CES5A: variants seen among roughly 807,000 people sequenced by gnomAD.
CES5A encodes carboxylesterase 5.
In CES5A, 67 loss-of-function variants were observed where a neutral mutation model predicts 62.9. The ratio of observed to expected loss-of-function variants is 1.07; its 90% CI spans 0.88 to 1.31. CES5A has a LOEUF of 1.31. Among genes scored for constraint, CES5A ranks in the 50% most tolerant of loss-of-function variants. The pLI is 0.00. For missense variants in CES5A, 748 were observed against 708.5 expected (o/e 1.06, Z -0.63); for synonymous variants, 296 against 280.8 (o/e 1.05, Z -0.54).
chr16:55,920,135 A>G (rs2142458475), intron 1 of CES5A, among the ~76,000 whole-genome samples: 1 of 152,332 alleles, frequency 6.6e-6, no homozygotes, highest in Non-Finnish European at 1.5e-5. Flanking sequence ...TGGGGGCTGC[A>G]GAGACGTGAA....
At chr16:55,954,728 C>G (rs8052620) in intron 1 of CES5A, among the ~76,000 whole-genome samples, 1 of 151,892 alleles carries the variant, frequency 6.6e-6, no homozygotes, top group Non-Finnish European at 1.5e-5. Context: ...AGGGGGAAGG[C>G]CCCTCACAAA....
chr16:55,952,037 A>C (rs953525110), intron 1 of CES5A, among the ~76,000 whole-genome samples: 3 of 152,188 alleles, frequency 2.0e-5, no homozygotes, highest in South Asian at 2.1e-4. Context: ...TTACTCACGT[A>C]GTAGGCCACA....
intron 6 of CES5A, 31 bp downstream of exon 6, chr16:55,863,317 G>C: frequency 1.8e-6 from 2 of 1,116,220 alleles, no homozygotes; most frequent in Non-Finnish European, 2.8e-6. Context: ...CTGAGGAGAG[G>C]AAGGTGGCAA....
chr16:55,953,584 T>G (rs1283595883), intron 1 of CES5A, among the ~76,000 whole-genome samples: 2 of 152,150 alleles, frequency 1.3e-5, no homozygotes, highest in Non-Finnish European at 2.9e-5. Context: ...TCAGGCAAAT[T>G]TCATAAGAAA....
chr16:55,908,618 C>T (rs2034063300), intron 1 of CES5A, among the ~76,000 whole-genome samples: 1 of 152,174 alleles, frequency 6.6e-6, no homozygotes, highest in African/African-American at 2.4e-5. Context: ...CCTTGGCCTC[C>T]CTAAGTGCTG....
At chr16:55,907,511 CAT>C (rs1169374477) in intron 1 of CES5A, among the ~76,000 whole-genome samples, 2 of 152,174 alleles carry the variant, frequency 1.3e-5, no homozygotes, top group African/African-American at 4.8e-5. Context: ...GTGTGATACT[CAT>C]AGAGGTTATG....
intron 1 of CES5A, among the ~76,000 whole-genome samples, chr16:55,893,614 C>G (rs2033902767): frequency 1.3e-5 from 2 of 151,974 alleles, no homozygotes; most frequent in African/African-American, 2.4e-5. Context: ...TAACAGCAAA[C>G]TAGACAAAGT....
Position 55,866,019 on chromosome 16 carries a change from G to A in CES5A, c.649C>T (p.Pro217Ser). The A allele has an allele frequency of 6.2e-7, 1 of 1,614,172 alleles. No homozygotes were observed. The highest frequency in any genetic ancestry group is 8.5e-7 in the Non-Finnish European group (1 of 1,180,032). The stretch of plus-strand genomic sequence containing the variant: ...TCGCCAAAGATGGTCACAGAGCTGG[G>A]GTCCCCACCGAAGAACTCGATGTTC... ...QKNIEFFGGD[P>S]SSVTIFGESA... Residue 217 changes from proline (P) to serine (S), a missense_variant, in exon 5 of 13, where the codon CCC becomes TCC. Pro to Ser is a moderately conservative substitution (Grantham distance 74, BLOSUM62 -1). Coordinates refer to ENST00000290567, the MANE Select transcript of CES5A (RefSeq NM_001143685.2).
intron 6 of CES5A, among the ~76,000 whole-genome samples, chr16:55,862,967 T>A (rs2033382905): frequency 6.6e-6 from 1 of 152,230 alleles, no homozygotes; most frequent in African/African-American, 2.4e-5. Context: ...TATTTCCCAC[T>A]GAGCTGGAAA....
intron 4 of CES5A, among the ~76,000 whole-genome samples, chr16:55,866,397 A>G (rs1210950473): frequency 2.0e-5 from 3 of 152,184 alleles, no homozygotes; most frequent in Non-Finnish European, 4.4e-5. Context: ...ATGAATCCCA[A>G]TCCATGAATC....
chr16:55,952,465 T>C (rs2034567792), intron 1 of CES5A, among the ~76,000 whole-genome samples: 2 of 152,016 alleles, frequency 1.3e-5, no homozygotes, highest in African/African-American at 4.8e-5. Flanking sequence ...ATAGTATAGA[T>C]CAATAAAACT....
intron 1 of CES5A, among the ~76,000 whole-genome samples, chr16:55,887,077 G>A (rs1300581930): frequency 6.6e-6 from 1 of 152,114 alleles, no homozygotes; most frequent in East Asian, 1.9e-4. Context: ...ACTACAGGAT[G>A]CAGTATATGC....
intron 9 of CES5A, among the ~76,000 whole-genome samples, chr16:55,855,054 A>G (rs1412747623): frequency 6.6e-6 from 1 of 152,122 alleles, no homozygotes; most frequent in Non-Finnish European, 1.5e-5. Context: ...GACAAGCTCC[A>G]TTAATCCTCC....
rs545583330 is a variant in CES5A, at chr16:55,944,242, G to T, written c.160+5543C>A. 1.6e-5 allele frequency: 10 copies of T among 619,472 alleles called. No individual in the cohort carries two copies. The East Asian group carries it at 2.2e-4, about 14-fold the overall frequency. The allele number at this position is 619,472 out of a possible 1,614,324, so 38.4% of individuals were successfully genotyped here. On this transcript the variant is annotated intron_variant, in intron 2 of 13. Transcript: ENST00000521992. ...CTGAACAAGACCCCTCTCCTCCAGGGACTTTTTGCCTCACCCATAAAATGG... is the reference window on the plus strand; with the variant it reads ...CTGAACAAGACCCCTCTCCTCCAGGTACTTTTTGCCTCACCCATAAAATGG...
intron 1 of CES5A, 56 bp from the exon 2 acceptor site, chr16:55,874,093 C>T (rs1022611064): frequency 5.4e-6 from 8 of 1,485,566 alleles, no homozygotes; most frequent in Non-Finnish European, 6.4e-6. Context: ...AGGGCAATGG[C>T]CCACCCAGTC....
At chr16:55,945,847 C>T (rs1333526355) in intron 2 of CES5A, among the ~76,000 whole-genome samples, 1 of 152,096 alleles carries the variant, frequency 6.6e-6, no homozygotes, top group Non-Finnish European at 1.5e-5. Context: ...GCAATTCTCC[C>T]AGCTCCTACT....
At chr16:55,861,572 T>C (rs1186627298) in intron 6 of CES5A, 56 bp from the exon 7 acceptor site, 10 of 1,293,150 alleles carry the variant, frequency 7.7e-6, no homozygotes, top group African/African-American at 1.5e-5. Flanking sequence ...TCTAGGAAAA[T>C]GAAAGCTTGA....
rs147727760 is a variant in CES5A, at chr16:55,852,892, C to T, written c.1262G>A (p.Arg421Gln). ...GCTCAGATACTCACCTCTGTGATAT[C>T]GAGCTGTGATCAGTGCAGGGACCAC... ...FFVVPALITA[R>Q]YHRDAGAPVY... Residue 421 changes from arginine (R) to glutamine (Q), a missense_variant, in exon 10 of 13, where the codon CGA becomes CAA. Transcript: ENST00000290567. 35 of 1,613,046 alleles carry T rather than the reference C, an allele frequency of 2.2e-5. No individual in the cohort carries two copies. Among genetic ancestry groups the T allele is most frequent in the Non-Finnish European group, 2.5e-5 (29 of 1,179,684 alleles).
Position 55,863,269 on chromosome 16 carries a change from C to T in CES5A, c.810+79G>A, listed in dbSNP as rs531430096. The T allele has an allele frequency of 1.2e-4, 100 of 829,398 alleles. No individual in the cohort carries two copies. The Admixed American group carries it at 1.7e-3, about 14-fold the overall frequency. The allele number at this position is 829,398 out of a possible 1,614,324, so 51.4% of individuals were successfully genotyped here. A position where few individuals can be genotyped will look rare whatever the true frequency, so the allele number is the denominator to read the frequency against. ...GGCATGGTCACTAAGGAAAGCCAAACACATGGTGAGAAGGTGCCTGACCAC... is the reference window on the plus strand; with the variant it reads ...GGCATGGTCACTAAGGAAAGCCAAATACATGGTGAGAAGGTGCCTGACCAC... On this transcript the variant is annotated intron_variant, in intron 6 of 12. Transcript: ENST00000290567.
Sources: allele counts gnomAD v4.1 joint callset (sites outside exome capture counted in the v4.1 genomes callset), GRCh38; gene constraint gnomAD v4.1.1; transcripts MANE v1.5; gene names NCBI Gene and HGNC (gene_info 2026-07-23, HGNC 2026-07-21).